DPP10: variants seen among roughly 807,000 people sequenced by gnomAD.
DPP10 encodes inactive dipeptidyl peptidase 10.
Under a neutral mutation model 120.9 loss-of-function variants are expected in DPP10, and 33 were observed. The observed-to-expected ratio is 0.27, with a 90% confidence interval of 0.21 to 0.37. DPP10 has a LOEUF of 0.37. Among genes scored for constraint, DPP10 ranks in the 10% least tolerant of loss-of-function variants. The pLI, the probability that DPP10 is intolerant of heterozygous loss-of-function variation, is 1.00. For synonymous variants in DPP10, 337 were observed against 326.1 expected (o/e 1.03, Z -0.36); for missense variants, 816 against 942.8 (o/e 0.87, Z 1.76).
Position 115,197,097 on chromosome 2 carries a change from C to T in DPP10, c.61-112142C>T, listed in dbSNP as rs557614468. 4.6e-5 allele frequency among the ~76,000 whole-genome samples: 7 copies of T among 152,018 alleles called. No individual in the cohort carries two copies. In the South Asian group the frequency reaches 6.2e-4, roughly 14 times the overall value. ...AGGAAAGGAGTCTGGGCTGAGGAAACGAAGGAGTAGGCAAGGCCGGGAGGG... is the reference window on the plus strand; with the variant it reads ...AGGAAAGGAGTCTGGGCTGAGGAAATGAAGGAGTAGGCAAGGCCGGGAGGG... On this transcript the variant is annotated intron_variant, in intron 1 of 25. Transcript: ENST00000410059.
chr2:114,924,135 T>G (rs951797124), intron 1 of DPP10, among the ~76,000 whole-genome samples: 2 of 152,176 alleles, frequency 1.3e-5, no homozygotes, highest in Non-Finnish European at 2.9e-5. Context: ...CCTCTAGACA[T>G]TTAGCTGGAA....
intron 3 of DPP10, among the ~76,000 whole-genome samples, chr2:115,397,513 G>A (rs1340271461): frequency 6.6e-6 from 1 of 152,140 alleles, no homozygotes; most frequent in African/African-American, 2.4e-5. Context: ...CAATAAAATT[G>A]TTATAATTGG....
At chr2:115,735,845 T>A (rs989833808) in intron 8 of DPP10, among the ~76,000 whole-genome samples, 4 of 151,972 alleles carry the variant, frequency 2.6e-5, no homozygotes, top group African/African-American at 9.7e-5. Flanking sequence ...ATCCTTTTGT[T>A]AATTATGTTG....
chr2:115,628,998 A>T (rs996190013), intron 5 of DPP10, among the ~76,000 whole-genome samples: 1 of 151,756 alleles, frequency 6.6e-6, no homozygotes, highest in African/African-American at 2.4e-5. Context: ...CCAGTGTGTG[A>T]TGTTCCCCAC....
chr2:115,086,158 C>T (rs1300968648), intron 1 of DPP10, among the ~76,000 whole-genome samples: 1 of 152,178 alleles, frequency 6.6e-6, no homozygotes, highest in Non-Finnish European at 1.5e-5. Context: ...TTCAGGCCCT[C>T]CCAATTCTGA....
chr2:115,041,567 C>G (rs1704647779), intron 1 of DPP10, among the ~76,000 whole-genome samples: 1 of 152,118 alleles, frequency 6.6e-6, no homozygotes, highest in South Asian at 2.1e-4. Flanking sequence ...AGCTCTTATG[C>G]ATTAACAATC....
intron 1 of DPP10, among the ~76,000 whole-genome samples, chr2:114,758,681 T>A (rs1020281265): frequency 3.3e-5 from 5 of 152,074 alleles, no homozygotes; most frequent in Non-Finnish European, 7.3e-5. Flanking sequence ...ATTTTTCCTC[T>A]CTGTTAAAAA....
chr2:115,271,690 A>G (rs2059706658), intron 1 of DPP10, among the ~76,000 whole-genome samples: 1 of 152,200 alleles, frequency 6.6e-6, no homozygotes, highest in Non-Finnish European at 1.5e-5. Context: ...TTTGAATAAA[A>G]CATAGGTAAA....
intron 1 of DPP10, among the ~76,000 whole-genome samples, chr2:114,973,488 C>T (rs1351712886): frequency 3.3e-5 from 5 of 151,222 alleles, no homozygotes. Context: ...GGTGAAACCC[C>T]GTCTCTACTA....
intron 9 of DPP10, among the ~76,000 whole-genome samples, chr2:115,740,642 G>A (rs553526283): frequency 6.6e-6 from 1 of 152,210 alleles, no homozygotes; most frequent in South Asian, 2.1e-4. Context: ...GTTCCAGACA[G>A]CAAAACTATT....
At chr2:114,898,061 A>C (rs374713771) in intron 1 of DPP10, among the ~76,000 whole-genome samples, 4 of 152,184 alleles carry the variant, frequency 2.6e-5, no homozygotes, top group East Asian at 3.9e-4. Flanking sequence ...ATGTTTATTG[A>C]GGCACTATTC....
chr2:114,704,297 T>C (rs72955663), intron 1 of DPP10, among the ~76,000 whole-genome samples: 3,054 of 152,028 alleles, frequency 0.02, 118 homozygotes, highest in African/African-American at 0.069. Flanking sequence ...ATAAGATAGA[T>C]TGGGGAGAAG....
intron 1 of DPP10, among the ~76,000 whole-genome samples, chr2:114,533,223 G>A (rs1160496957): frequency 1.3e-5 from 2 of 152,094 alleles, no homozygotes; most frequent in African/African-American, 4.8e-5. Flanking sequence ...CCTTGAATGG[G>A]GGGAACTCTG....
intron 11 of DPP10, among the ~76,000 whole-genome samples, chr2:115,753,833 A>G (rs1363220197): frequency 3.3e-5 from 5 of 152,130 alleles, no homozygotes; most frequent in Admixed American, 6.6e-5. Flanking sequence ...GGTAAATTCA[A>G]TGTGTCATTT....
intron 1 of DPP10, among the ~76,000 whole-genome samples, chr2:115,307,455 T>C (rs900394010): frequency 2.0e-5 from 3 of 152,130 alleles, no homozygotes; most frequent in African/African-American, 4.8e-5. Context: ...GTTCTTACAT[T>C]GTGAAACAAT....
intron 1 of DPP10, among the ~76,000 whole-genome samples, chr2:114,497,342 TACATAC>T (rs761266603): frequency 3.7e-5 from 1 of 26,910 alleles, no homozygotes; most frequent in African/African-American, 9.3e-5. Flanking sequence ...CATGTACATA[TACATAC>T]ACATGTACAT....
chr2:115,235,235 C>A (rs1464215607), intron 1 of DPP10, among the ~76,000 whole-genome samples: 1 of 152,086 alleles, frequency 6.6e-6, no homozygotes, highest in Non-Finnish European at 1.5e-5. Context: ...TTTACTGGGA[C>A]ACAAAAATCT....
At chr2:114,741,718 G>A (rs1016517908) in intron 1 of DPP10, among the ~76,000 whole-genome samples, 1 of 152,092 alleles carries the variant, frequency 6.6e-6, no homozygotes, top group Non-Finnish European at 1.5e-5. Context: ...AGAACACCAC[G>A]TGAACATAGA....
intron 1 of DPP10, among the ~76,000 whole-genome samples, chr2:115,032,826 A>C (rs1703934066): frequency 1.3e-5 from 2 of 151,672 alleles, no homozygotes; most frequent in Non-Finnish European, 1.5e-5. Flanking sequence ...CAGAGGTTGC[A>C]ATGAGCTGAG....
Sources: allele counts gnomAD v4.1 joint callset (sites outside exome capture counted in the v4.1 genomes callset), GRCh38; gene constraint gnomAD v4.1.1; transcripts MANE v1.5; gene names NCBI Gene and HGNC (gene_info 2026-07-23, HGNC 2026-07-21).